SYNE1: variants seen among roughly 807,000 people sequenced by gnomAD.
SYNE1 encodes spectrin repeat containing nuclear envelope protein 1.
Under a neutral mutation model 1,111.0 loss-of-function variants are expected in SYNE1, and 616 were observed. The observed-to-expected ratio is 0.55, with a 90% CI of 0.52 to 0.59. The LOEUF (loss-of-function observed/expected upper bound fraction) is 0.59, where lower values mean the gene tolerates loss of function less well. SYNE1 is among the 20% of genes least tolerant of loss of function. The pLI is 0.00. For missense variants in SYNE1, 10,006 were observed against 10,417.0 expected, an observed-to-expected ratio of 0.96 and a Z score of 1.72; for synonymous variants, 3,855 against 3,825.8, an observed-to-expected ratio of 1.01 and a Z score of -0.28.
At chr6:152,278,017 TG>T in intron 98 of SYNE1, 71 bp downstream of exon 98, 1 of 1,562,722 alleles carries the variant, frequency 6.4e-7, no homozygotes. Flanking sequence ...TTCCTTTACC[TG>T]GCAAACCTTA....
intron 20 of SYNE1, 48 bp downstream of exon 20, chr6:152,462,690 C>T: frequency 6.2e-7 from 1 of 1,611,286 alleles, no homozygotes; most frequent in South Asian, 1.1e-5. Context: ...GCTGATCTTT[C>T]CTCTCACAAC....
At chr6:152,227,980 A>C (rs1283381773) in intron 115 of SYNE1, among the ~76,000 whole-genome samples, 1 of 152,204 alleles carries the variant, frequency 6.6e-6, no homozygotes, top group Non-Finnish European at 1.5e-5. Context: ...ACTTCGATTA[A>C]TTCATAAATA....
chr6:152,239,283 A>G lies in SYNE1; in HGVS notation c.20067+250T>C, dbSNP rs148932133. 2.7e-4 allele frequency among the ~76,000 whole-genome samples: 41 copies of G among 152,204 alleles called. No homozygotes were observed. In the East Asian group the frequency reaches 6.8e-3, roughly 25 times the overall value. On this transcript the variant is annotated intron_variant, in intron 108 of 145. Coordinates refer to ENST00000367255, the MANE Select transcript of SYNE1 (RefSeq NM_182961.4). Reference sequence around the variant, plus strand: ...GAATATCAAAACCCCAAATATCTTCATGCATAGTCTGAAGTCAGTGTGTAT... The same window carrying G: ...GAATATCAAAACCCCAAATATCTTCGTGCATAGTCTGAAGTCAGTGTGTAT...
At chr6:152,205,340 T>C (rs2076309029) in intron 126 of SYNE1, among the ~76,000 whole-genome samples, 1 of 152,192 alleles carries the variant, frequency 6.6e-6, no homozygotes, top group Non-Finnish European at 1.5e-5. Context: ...TATCATTCAT[T>C]TAGCGCTCAG....
chr6:152,518,377 T>G (rs1012826572), intron 6 of SYNE1, among the ~76,000 whole-genome samples: 1 of 151,910 alleles, frequency 6.6e-6, no homozygotes, highest in African/African-American at 2.4e-5. Context: ...TTGGGTACCC[T>G]CCACACAATA....
chr6:152,541,315 T>C (rs2099268407), intron 3 of SYNE1, among the ~76,000 whole-genome samples: 2 of 152,212 alleles, frequency 1.3e-5, no homozygotes, highest in Non-Finnish European at 2.9e-5. Flanking sequence ...CAGTGTTTTA[T>C]GGTTCTTCTG....
chr6:152,385,172 C>T (rs182197499), intron 55 of SYNE1, among the ~76,000 whole-genome samples: 11 of 152,116 alleles, frequency 7.2e-5, no homozygotes, highest in Non-Finnish European at 1.3e-4. Flanking sequence ...TGAAACTCCC[C>T]CAGAAAGGTA....
chr6:152,498,714 C>T (rs554771747), intron 11 of SYNE1, 28 bp downstream of exon 11: 3 of 1,491,660 alleles, frequency 2.0e-6, no homozygotes, highest in Middle Eastern at 1.7e-4. Context: ...TGAAAGAGGT[C>T]ATCAATGCAA....
intron 40 of SYNE1, among the ~76,000 whole-genome samples, chr6:152,417,922 C>T (rs1278121628): frequency 2.6e-5 from 4 of 151,878 alleles, no homozygotes; most frequent in African/African-American, 7.3e-5. Context: ...GTTCCAAATC[C>T]GAGTTGTATT....
chr6:152,459,827 A>G (rs953235391), intron 21 of SYNE1, among the ~76,000 whole-genome samples: 1 of 152,226 alleles, frequency 6.6e-6, no homozygotes, highest in Non-Finnish European at 1.5e-5. Context: ...GCATATTCCA[A>G]AAAGTAATCC....
At chr6:152,221,126 T>TC in intron 118 of SYNE1, 80 bp from the exon 119 acceptor site, 1 of 1,404,822 alleles carries the variant, frequency 7.1e-7, no homozygotes, top group Non-Finnish European at 1.0e-6. Flanking sequence ...TTTTTCATGA[T>TC]CCTGGTTCAT....
Position 152,596,266 on chromosome 6 carries a change from G to GTT in SYNE1, c.67+31997_67+31998dup, listed in dbSNP as rs1480694776. On this transcript the variant is annotated intron_variant, in intron 3 of 145. Transcript: ENST00000367255. The stretch of plus-strand genomic sequence containing the variant: ...AAGTTATGATTACAGTTTTTTGTTT[G>GTT]TTTGTTTTTTTTTTTTTTTGAGATG... Among the ~76,000 whole-genome samples, 62 of 118,720 alleles carry GTT rather than the reference G, an allele frequency of 5.2e-4. 5 individuals are homozygous for GTT. The highest frequency in any genetic ancestry group is 2.5e-3 in the African/African-American group (62 of 25,054). 77.9% of individuals were successfully genotyped at this position (118,720 alleles called of 152,430 possible). A position where few individuals can be genotyped will look rare whatever the true frequency, so the allele number is the denominator to read the frequency against.
chr6:152,318,012 C>T lies in SYNE1; in HGVS notation c.16572+69G>A, dbSNP rs1181921192. Reference sequence around the variant, plus strand: ...CTTTTTATTTATGTTAATTTATTTTCAAAAGAGAAAAGCAGAACATGGAAG... The same window carrying T: ...CTTTTTATTTATGTTAATTTATTTTTAAAAGAGAAAAGCAGAACATGGAAG... On this transcript the variant is annotated intron_variant, in intron 86 of 145. Coordinates refer to ENST00000367255, the MANE Select transcript of SYNE1 (RefSeq NM_182961.4). 11 of 1,585,744 alleles carry T rather than the reference C, an allele frequency of 6.9e-6. No homozygotes were observed. The East Asian group carries it at 2.0e-4, about 29-fold the overall frequency.
At chr6:152,439,287 G>T (rs992052183) in intron 32 of SYNE1, among the ~76,000 whole-genome samples, 1 of 152,182 alleles carries the variant, frequency 6.6e-6, no homozygotes, top group Non-Finnish European at 1.5e-5. Context: ...ATCATAGGGG[G>T]TCAGAAACTC....
chr6:152,527,389 C>G (rs1280962715), intron 4 of SYNE1, among the ~76,000 whole-genome samples: 2 of 152,132 alleles, frequency 1.3e-5, no homozygotes, highest in Non-Finnish European at 2.9e-5. Context: ...TCAAAAATAA[C>G]AGAGTTTTCA....
chr6:152,123,525 G>A (rs1232169234), intron 145 of SYNE1, among the ~76,000 whole-genome samples: 1 of 152,278 alleles, frequency 6.6e-6, no homozygotes, highest in East Asian at 1.9e-4. Context: ...TCTTAAGAAG[G>A]ACTGCCTGGA....
intron 3 of SYNE1, among the ~76,000 whole-genome samples, chr6:152,563,803 T>C (rs2099402581): frequency 6.6e-6 from 1 of 152,216 alleles, no homozygotes; most frequent in African/African-American, 2.4e-5. Context: ...TTACACAAGA[T>C]ATAATCTTGT....
At chr6:152,386,927 A>G (rs929686462) in intron 54 of SYNE1, 145 bp downstream of exon 54, 12 of 626,770 alleles carry the variant, frequency 1.9e-5, no homozygotes, top group African/African-American at 1.8e-4. Flanking sequence ...ATGTACAAAT[A>G]GTTTTAGAGC....
chr6:152,487,985 G>T (rs992171606), intron 12 of SYNE1, among the ~76,000 whole-genome samples: 15 of 151,448 alleles, frequency 9.9e-5, no homozygotes, highest in African/African-American at 3.4e-4. Context: ...TGAGGCAGGA[G>T]AATGGTGTGA....
Sources: gnomAD v4.1 joint callset for allele counts (sites outside exome capture counted in the v4.1 genomes callset) on GRCh38, gnomAD v4.1.1 for gene constraint, MANE v1.5 for transcripts, NCBI Gene and HGNC (gene_info 2026-07-23, HGNC 2026-07-21) for gene names.